The following PTPRK variants were observed in gnomAD, a reference collection of about 807,000 sequenced individuals.
PTPRK encodes receptor-type tyrosine-protein phosphatase kappa.
PTPRK carries 75 observed loss-of-function variants against 178.0 expected under a neutral mutation model. The observed-to-expected ratio is 0.42, with a 90% confidence interval of 0.35 to 0.51. The LOEUF (loss-of-function observed/expected upper bound fraction) is 0.51. Among genes scored for constraint, PTPRK ranks in the 20% least tolerant of loss-of-function variants. The pLI, the probability that PTPRK is intolerant of heterozygous loss-of-function variation, is 0.02. For missense variants in PTPRK, 1,441 were observed against 1,797.8 expected (o/e 0.80, Z 3.59); for synonymous variants, 637 against 620.6 (o/e 1.03, Z -0.39).
intron 5 of PTPRK, chr6:128,230,923 TCA>T (rs1350178612): frequency 1.3e-5 from 2 of 152,198 alleles, no homozygotes; most frequent in Non-Finnish European, 2.9e-5. Context: ...TCATTTATGA[TCA>T]GTTATGTAAT....
intron 1 of PTPRK, among the ~76,000 whole-genome samples, chr6:128,403,725 GA>G (rs1468268423): frequency 1.3e-5 from 2 of 151,998 alleles, no homozygotes; most frequent in African/African-American, 4.8e-5. Context: ...TACACAGAAA[GA>G]CTAAAAATAG....
intron 1 of PTPRK, among the ~76,000 whole-genome samples, chr6:128,435,453 T>A (rs1256231857): frequency 6.6e-6 from 1 of 152,058 alleles, no homozygotes; most frequent in African/African-American, 2.4e-5. Context: ...AAAAAAAAAC[T>A]TTTTTCTTGA....
At chr6:128,299,275 C>T (rs1825102321) in intron 3 of PTPRK, among the ~76,000 whole-genome samples, 1 of 150,364 alleles carries the variant, frequency 6.7e-6, no homozygotes, top group African/African-American at 2.5e-5. Flanking sequence ...GAATCAATAT[C>T]ATGAAAATGG....
At chr6:128,009,055 T>C in intron 14 of PTPRK, 75 bp downstream of exon 14, 2 of 1,369,216 alleles carry the variant, frequency 1.5e-6, no homozygotes, top group Non-Finnish European at 2.0e-6. Context: ...ATTTAAAGGA[T>C]CTTGAGAAAA....
chr6:128,128,417 CA>C lies in PTPRK; in HGVS notation c.1163-38426del, dbSNP rs1338755676. On this transcript the variant is annotated intron_variant, in intron 7 of 29. Coordinates refer to ENST00000368226, the MANE Select transcript of PTPRK (RefSeq NM_002844.4). ...CTCTTCTTTTTCCTCATTGGTTTACCAAAACCACTCCTATCCAAATTGCCCT... is the reference window on the plus strand; with the variant it reads ...CTCTTCTTTTTCCTCATTGGTTTACCAAACCACTCCTATCCAAATTGCCCT... Among the ~76,000 whole-genome samples the C allele has an allele frequency of 2.0e-5, 3 of 152,238 alleles. No individual in the cohort carries two copies. The East Asian group carries it at 5.8e-4, about 29-fold the overall frequency.
At chr6:128,156,503 A>T (rs1797975469) in intron 7 of PTPRK, among the ~76,000 whole-genome samples, 1 of 151,928 alleles carries the variant, frequency 6.6e-6, no homozygotes, top group Admixed American at 6.6e-5. Flanking sequence ...GAGACAGTGA[A>T]GGTGGAAGTG....
At chr6:128,500,660 G>A (rs62425735) in intron 1 of PTPRK, 4 of 152,042 alleles carry the variant, frequency 2.6e-5, no homozygotes, top group Non-Finnish European at 4.4e-5. Context: ...GGAAACAATC[G>A]ACTTAGTGCT....
intron 3 of PTPRK, among the ~76,000 whole-genome samples, chr6:128,244,816 GAAC>G (rs1815157679): frequency 6.6e-6 from 1 of 152,146 alleles, no homozygotes; most frequent in East Asian, 1.9e-4. Flanking sequence ...TGCAGAAATA[GAAC>G]AACAACTTGA....
At position 128,005,102 on chromosome 6, in the gene PTPRK, G is replaced by T; in HGVS notation, c.2476C>A (p.His826Asn). The T allele has an allele frequency of 1.9e-6, 3 of 1,608,776 alleles. No individual in the cohort carries two copies. Among genetic ancestry groups the T allele is most frequent in the Non-Finnish European group, 2.5e-6 (3 of 1,176,904 alleles). ...AACTTACATCTTGGACTAAAGTTAT[G>T]TTGGTCCATGAAGGTGATGGAAAGA... ...DPLSITFMDQ[H>N]NFSPRYENHS... The change falls in exon 15 of 30, where the codon CAT becomes AAT. Residue 826 changes from histidine (H) to asparagine (N), a missense_variant. Physicochemically the swap from His to Asn is moderately conservative, Grantham distance 68. Around this residue, in one of 4 missense-constraint regions of PTPRK, gnomAD observed 945 missense variants for 1,080.6 expected, o/e 0.87. Coordinates refer to ENST00000368226, the MANE Select transcript of PTPRK (RefSeq NM_002844.4).
Position 128,187,907 on chromosome 6 carries a change from T to C in PTPRK, c.869-3182A>G, listed in dbSNP as rs997447110. Among the ~76,000 whole-genome samples, 21 of 152,224 alleles carry C rather than the reference T, an allele frequency of 1.4e-4. 1 individual carries two copies. The highest frequency in any genetic ancestry group is 1.9e-4 in the East Asian group (1 of 5,202). On this transcript the variant is annotated intron_variant, in intron 6 of 29. Coordinates refer to ENST00000368226, the MANE Select transcript of PTPRK (RefSeq NM_002844.4). ...TAAAAAGTAGCTTTATATTAGCATA[T>C]GTATTTTGTTTTCAGGCCCTTGATA...
intron 6 of PTPRK, among the ~76,000 whole-genome samples, chr6:128,213,902 C>G (rs999696480): frequency 5.3e-5 from 8 of 152,110 alleles, no homozygotes; most frequent in Non-Finnish European, 1.0e-4. Context: ...AGGAAAGAGT[C>G]TGGTGTAGAC....
At chr6:128,168,475 C>T (rs1799734268) in intron 7 of PTPRK, among the ~76,000 whole-genome samples, 1 of 152,056 alleles carries the variant, frequency 6.6e-6, no homozygotes, top group South Asian at 2.1e-4. Context: ...CCTAGTGACA[C>T]ACTGGTACTG....
chr6:128,321,168 A>G (rs1828732527), intron 3 of PTPRK: 1 of 152,206 alleles, frequency 6.6e-6, no homozygotes, highest in South Asian at 2.1e-4. Context: ...TGACCATCAT[A>G]AAATATACTT....
intron 1 of PTPRK, among the ~76,000 whole-genome samples, chr6:128,433,062 G>T (rs766561189): frequency 6.6e-6 from 1 of 152,010 alleles, no homozygotes; most frequent in Non-Finnish European, 1.5e-5. Context: ...AATATGTATT[G>T]ATCAAATCAA....
At chr6:128,296,318 A>G (rs768626378) in intron 3 of PTPRK, among the ~76,000 whole-genome samples, 1 of 151,944 alleles carries the variant, frequency 6.6e-6, no homozygotes, top group Non-Finnish European at 1.5e-5. Context: ...CACTCAGACT[A>G]CTCAATTCCA....
intron 2 of PTPRK, among the ~76,000 whole-genome samples, chr6:128,377,096 C>T (rs1837207240): frequency 6.6e-6 from 1 of 152,176 alleles, no homozygotes; most frequent in African/African-American, 2.4e-5. Flanking sequence ...AGTTCCAAAT[C>T]ATTTCCATAT....
At position 128,520,348 on chromosome 6, in the gene PTPRK, G is replaced by A; in HGVS notation, c.11C>T (p.Thr4Ile). The A allele has an allele frequency of 6.2e-7, 1 of 1,608,018 alleles. No homozygotes were observed. The highest frequency in any genetic ancestry group is 1.3e-5 in the African/African-American group (1 of 74,862). MDT[T>I]AAAALPAFVA... ...AAAAGCAGGCAGCGCCGCCGCCGCA[G>A]TCGTATCCATGCCGAGTTTGGGAGA... Residue 4 changes from threonine (T) to isoleucine (I), a missense_variant, in exon 1 of 30, where the codon ACT becomes ATT. Around this residue, in one of 4 missense-constraint regions of PTPRK, gnomAD observed 158 missense variants for 188.0 expected, o/e 0.84. Transcript: ENST00000368226.
At chr6:128,164,434 T>G (rs1583289303) in intron 7 of PTPRK, among the ~76,000 whole-genome samples, 1 of 151,508 alleles carries the variant, frequency 6.6e-6, no homozygotes, top group East Asian at 1.9e-4. Context: ...TAATTGAGCT[T>G]TTGTATATGA....
At chr6:128,098,046 C>T (rs1175025959) in intron 7 of PTPRK, among the ~76,000 whole-genome samples, 2 of 152,038 alleles carry the variant, frequency 1.3e-5, no homozygotes, top group African/African-American at 4.8e-5. Flanking sequence ...AATTACCTAC[C>T]TCTTATGTTG....
Sources: allele counts gnomAD v4.1 joint callset (sites outside exome capture counted in the v4.1 genomes callset), GRCh38; gene constraint gnomAD v4.1.1; regional missense constraint gnomAD v4.1.1; transcripts MANE v1.5; gene names NCBI Gene and HGNC (gene_info 2026-07-23, HGNC 2026-07-21).